Variants in PXDN observed in about 807,000 individuals in gnomAD.
PXDN encodes peroxidasin, also known as peroxidasin homolog.
A neutral mutation model predicts 140.3 loss-of-function variants in PXDN; 77 were observed. The ratio of observed to expected loss-of-function variants is 0.55; its 90% CI spans 0.46 to 0.66. PXDN has a LOEUF of 0.66. Ranked by LOEUF, PXDN falls within the 30% of genes least tolerant of loss-of-function variation. The pLI, the probability that PXDN is intolerant of heterozygous loss-of-function variation, is 0.00. For missense variants in PXDN, 1,838 were observed against 2,039.5 expected, an observed-to-expected ratio of 0.90 and a Z score of 1.90; for synonymous variants, 911 against 857.4, an observed-to-expected ratio of 1.06 and a Z score of -1.09.
chr2:1,649,766 G>C lies in PXDN; in HGVS notation c.2105-91C>G. 7.0e-7 allele frequency: 1 copy of C among 1,419,374 alleles called. No homozygotes were observed. Among genetic ancestry groups the C allele is most frequent in the Admixed American group, 1.8e-5 (1 of 55,462 alleles). 87.9% of individuals were successfully genotyped at this position (1,419,374 alleles called of 1,614,324 possible). On this transcript the variant is annotated intron_variant, in intron 16 of 22. Transcript: ENST00000252804. This position sits in a 1 kb window ranked among gnomAD's most constrained non-coding sequence, Gnocchi z 7.1. ...CTTGGCACCTCTGCCGCTGACATGG[G>C]GCTATCTACCCCCAGCTCATGAAAC...
intron 7 of PXDN, among the ~76,000 whole-genome samples, chr2:1,679,387 A>T (rs1183300925): frequency 9.4e-6 from 1 of 106,094 alleles, no homozygotes. Flanking sequence ...ATGTGTGTCT[A>T]TAAATGGTGG....
At chr2:1,666,820 C>A (rs1683456363) in intron 9 of PXDN, among the ~76,000 whole-genome samples, 1 of 152,084 alleles carries the variant, frequency 6.6e-6, no homozygotes, top group Non-Finnish European at 1.5e-5. Context: ...TCTTGTTAGA[C>A]CTTGCTAGTA....
rs6742039 is a variant in PXDN, at chr2:1,638,773, C to A, written c.4206+73G>T. ...GTTGCCTGGGAATAAAATGCTATAC[C>A]CAGAAGGTTCGGGCAGGGCTGTGCT... On this transcript the variant is annotated intron_variant, in intron 21 of 22. Transcript: ENST00000252804. 1.6e-5 allele frequency: 26 copies of A among 1,596,380 alleles called. No individual in the cohort carries two copies. The South Asian group carries it at 1.7e-4, about 10-fold the overall frequency.
intron 1 of PXDN, among the ~76,000 whole-genome samples, chr2:1,728,683 G>A (rs1018725691): frequency 2.6e-5 from 4 of 152,206 alleles, no homozygotes; most frequent in African/African-American, 9.7e-5. Context: ...CAGTGTTGCC[G>A]TTCTGGCTGT....
At chr2:1,724,908 TG>T (rs2125484266) in intron 1 of PXDN, among the ~76,000 whole-genome samples, 1 of 152,330 alleles carries the variant, frequency 6.6e-6, no homozygotes, top group Non-Finnish European at 1.5e-5. Flanking sequence ...AGAATGCTAC[TG>T]GAATTGTAAC....
intron 3 of PXDN, among the ~76,000 whole-genome samples, chr2:1,689,653 G>T (rs7579738): frequency 0.26 from 39,807 of 151,920 alleles, 5,283 homozygotes; most frequent in East Asian, 0.36. Context: ...GCATCGTGGT[G>T]CACGCCTGTA....
Position 1,634,171 on chromosome 2 carries a change from C to G in PXDN, c.*33G>C. 1 of 1,553,610 alleles carries G rather than the reference C, an allele frequency of 6.4e-7. No individual in the cohort carries two copies. Among genetic ancestry groups the G allele is most frequent in the South Asian group, 1.2e-5 (1 of 84,166 alleles). ...TCGGCCACCCGATCTCACGATGGCACAGCAGACAAACTCTGAGGAGCCTCC... is the reference window on the plus strand; with the variant it reads ...TCGGCCACCCGATCTCACGATGGCAGAGCAGACAAACTCTGAGGAGCCTCC... On this transcript the variant is annotated 3_prime_UTR_variant, in exon 23 of 23. Transcript: ENST00000252804.
chr2:1,672,515 C>T (rs1373138698), intron 9 of PXDN, among the ~76,000 whole-genome samples: 1 of 152,218 alleles, frequency 6.6e-6, no homozygotes, highest in Non-Finnish European at 1.5e-5. Context: ...AACTTCTCTG[C>T]ACAGGCCCAC....
chr2:1,670,766 G>C (rs1281922686), intron 9 of PXDN, among the ~76,000 whole-genome samples: 1 of 152,164 alleles, frequency 6.6e-6, no homozygotes, highest in Non-Finnish European at 1.5e-5. Context: ...CCCATGAAGA[G>C]AAGTCCACCA....
Position 1,664,085 on chromosome 2 carries a change from T to C in PXDN, c.1409-322A>G, listed in dbSNP as rs73910823. 7.0e-3 allele frequency: 2,153 copies of C among 306,372 alleles called. 24 individuals are homozygous for C. Among genetic ancestry groups the C allele is most frequent in the African/African-American group, 0.039 (1,836 of 47,268 alleles). The allele number at this position is 306,372 out of a possible 1,614,324, so 19.0% of individuals were successfully genotyped here. A position where few individuals can be genotyped will look rare whatever the true frequency, so the allele number is the denominator to read the frequency against. Reference sequence around the variant, plus strand: ...CCAGCTGGGAGAACCAGGGAGAGGATTGAGTGCTGGAGATGACGAAGAGCC... The same window carrying C: ...CCAGCTGGGAGAACCAGGGAGAGGACTGAGTGCTGGAGATGACGAAGAGCC... On this transcript the variant is annotated intron_variant, in intron 11 of 22. Transcript: ENST00000252804.
chr2:1,680,158 G>A (rs1425238284), intron 7 of PXDN, 35 bp downstream of exon 7: 5 of 1,522,828 alleles, frequency 3.3e-6, no homozygotes. Context: ...GATGGTGTGA[G>A]TGTGTGGATG....
In PXDN at chr2:1,653,791, C is replaced by G; in HGVS notation, c.1947-6G>C. ...CATTTGGAGAACGAGGACGGCTAAC[C>G]AGAGTTTAGGGGGAAGAAAGGAAGA... On this transcript the variant is annotated splice_region_variant and splice_polypyrimidine_tract_variant and intron_variant, in intron 15 of 22. Coordinates refer to ENST00000252804, the MANE Select transcript of PXDN (RefSeq NM_012293.3). The G allele has an allele frequency of 6.4e-7, 1 of 1,559,698 alleles. No individual in the cohort carries two copies.
chr2:1,724,672 T>C (rs1196069203), intron 1 of PXDN, among the ~76,000 whole-genome samples: 1 of 152,214 alleles, frequency 6.6e-6, no homozygotes, highest in Non-Finnish European at 1.5e-5. Flanking sequence ...TGATCATCTA[T>C]GCCTGAGTTC....
At chr2:1,742,066 G>A (rs756161218) in intron 1 of PXDN, among the ~76,000 whole-genome samples, 9 of 152,158 alleles carry the variant, frequency 5.9e-5, no homozygotes, top group Non-Finnish European at 4.4e-5. Context: ...CGTTCTCCCA[G>A]GAGACACGGG....
intron 1 of PXDN, among the ~76,000 whole-genome samples, chr2:1,719,466 C>G (rs952220997): frequency 6.6e-6 from 1 of 152,210 alleles, no homozygotes; most frequent in Non-Finnish European, 1.5e-5. Context: ...ACTGGCCTTG[C>G]AGGAGGCATC....
At chr2:1,677,266 A>G (rs1300441816) in intron 7 of PXDN, among the ~76,000 whole-genome samples, 1 of 152,176 alleles carries the variant, frequency 6.6e-6, no homozygotes, top group Non-Finnish European at 1.5e-5. Flanking sequence ...CCATGTTCTG[A>G]GCACCCTAGA....
At chr2:1,677,586 G>C (rs371454978) in intron 7 of PXDN, among the ~76,000 whole-genome samples, 1 of 152,074 alleles carries the variant, frequency 6.6e-6, no homozygotes, top group Non-Finnish European at 1.5e-5. Context: ...CTGCGTGCCC[G>C]TGACTCCACA....
chr2:1,639,628 C>T lies in PXDN; in HGVS notation c.3953-206G>A, dbSNP rs1161393226. The stretch of plus-strand genomic sequence containing the variant: ...AGCCTCTCTCCACCTGTGCCCCAGC[C>T]CTCATGACCTCCTGGTGCTGGCCGC... On this transcript the variant is annotated intron_variant, in intron 19 of 22. Transcript: ENST00000252804. The surrounding 1 kb of genome is among the most constrained non-coding windows in gnomAD (Gnocchi z 5.0). 6.6e-6 allele frequency among the ~76,000 whole-genome samples: 1 copy of T among 152,170 alleles called. No individual in the cohort carries two copies. The highest frequency in any genetic ancestry group is 1.5e-5 in the Non-Finnish European group (1 of 68,032).
At chr2:1,688,065 T>C (rs909526239) in intron 3 of PXDN, among the ~76,000 whole-genome samples, 1 of 152,170 alleles carries the variant, frequency 6.6e-6, no homozygotes, top group African/African-American at 2.4e-5. Context: ...GGCTGTAAGA[T>C]TCTATAACTG....
Sources: allele counts gnomAD v4.1 joint callset (sites outside exome capture counted in the v4.1 genomes callset), GRCh38; gene constraint gnomAD v4.1.1; non-coding constraint Gnocchi (gnomAD v3.1); transcripts MANE v1.5; gene names NCBI Gene and HGNC (gene_info 2026-07-23, HGNC 2026-07-21).